MYOF: variants seen among roughly 807,000 people sequenced by gnomAD.
The protein encoded by MYOF is myoferlin.
MYOF carries 244 observed loss-of-function variants against 284.2 expected under a neutral mutation model. That is an observed-to-expected ratio of 0.86 (90% CI 0.77 to 0.95). The LOEUF is 0.95. MYOF is among the 40% of genes least tolerant of loss of function. MYOF has a pLI of 0.00. For synonymous variants in MYOF, 904 were observed against 919.7 expected, an observed-to-expected ratio of 0.98 and a Z score of 0.31; for missense variants, 2,496 against 2,560.6, an observed-to-expected ratio of 0.97 and a Z score of 0.54.
chr10:93,402,800 T>C, intron 10 of MYOF, 60 bp downstream of exon 10: 3 of 1,452,594 alleles, frequency 2.1e-6, no homozygotes, highest in Non-Finnish European at 2.9e-6. Flanking sequence ...CTTAGAATCA[T>C]CTTCAGAGTT....
At position 93,306,871 on chromosome 10, in the gene MYOF, G is replaced by T; in HGVS notation, c.*92C>A. 1 of 1,320,834 alleles carries T rather than the reference G, an allele frequency of 7.6e-7. No homozygotes were observed. The highest frequency in any genetic ancestry group is 1.1e-6 in the Non-Finnish European group (1 of 920,474). The allele number at this position is 1,320,834 out of a possible 1,614,324, so 81.8% of individuals were successfully genotyped here. A position where few individuals can be genotyped will look rare whatever the true frequency, so the allele number is the denominator to read the frequency against. ...ATGGCGTAACCTGCTACTGGGGTGT[G>T]GTCTCAGACACAAAATCACACTGGA... On this transcript the variant is annotated 3_prime_UTR_variant, in exon 54 of 54. Transcript: ENST00000359263.
rs34283358 is a variant in MYOF, at chr10:93,315,966, G to GAA, written c.5698+746_5698+747dup. Among the ~76,000 whole-genome samples, 36 of 141,654 alleles carry GAA rather than the reference G, an allele frequency of 2.5e-4. 1 individual carries two copies. Among genetic ancestry groups the GAA allele is most frequent in the African/African-American group, 7.9e-4 (30 of 37,814 alleles). The allele number at this position is 141,654 out of a possible 152,430, so 92.9% of individuals were successfully genotyped here. A position where few individuals can be genotyped will look rare whatever the true frequency, so the allele number is the denominator to read the frequency against. On this transcript the variant is annotated intron_variant, in intron 50 of 53. Transcript: ENST00000359263. ...TGAGACCTCGTCTGTACTAAAAAGTGAAAAAAAAAAAAAATTAGCCAGGTT... is the reference window on the plus strand; with the variant it reads ...TGAGACCTCGTCTGTACTAAAAAGTGAAAAAAAAAAAAAAAATTAGCCAGGTT...
intron 5 of MYOF, chr10:93,425,675 G>A (rs368805420): frequency 4.0e-5 from 8 of 200,186 alleles, no homozygotes; most frequent in Admixed American, 2.8e-4. Flanking sequence ...AGCAGAGCCC[G>A]GTGGTGGCAC....
At chr10:93,427,317 G>A (rs557810002) in intron 4 of MYOF, among the ~76,000 whole-genome samples, 154 of 151,918 alleles carry the variant, frequency 1.0e-3, no homozygotes, top group African/African-American at 3.4e-3. Flanking sequence ...TGGATCACAA[G>A]GTCAGGAGTT....
intron 3 of MYOF, among the ~76,000 whole-genome samples, chr10:93,442,302 A>ATTTC (rs2056291536): frequency 6.6e-6 from 1 of 152,302 alleles, no homozygotes; most frequent in African/African-American, 2.4e-5. Flanking sequence ...AGAATTAGCT[A>ATTTC]TTTTGTTGTT....
At chr10:93,412,232 C>T (rs1317140346) in intron 5 of MYOF, among the ~76,000 whole-genome samples, 1 of 152,190 alleles carries the variant, frequency 6.6e-6, no homozygotes. Flanking sequence ...GGGTTTAAAA[C>T]CAGGCTGTAG....
chr10:93,325,782 T>C (rs1350739870), intron 46 of MYOF, 44 bp downstream of exon 46: 1 of 1,560,096 alleles, frequency 6.4e-7, no homozygotes, highest in African/African-American at 1.4e-5. Context: ...GCCATTGCAT[T>C]TGGGGCAGGG....
At position 93,369,700 on chromosome 10, in the gene MYOF, A is replaced by C. The variant is rs1459207810; in HGVS notation, c.2534T>G (p.Val845Gly). Reference sequence around the variant, plus strand: ...TGCGAAGCTGTTAAACTTCTTCTCCACAGCACTTAAGCCTAGCCAGATGTT... The same window carrying C: ...TGCGAAGCTGTTAAACTTCTTCTCCCCAGCACTTAAGCCTAGCCAGATGTT... ...RVNIWLGLSA[V>G]EKKFNSFAEG... The change falls in exon 25 of 54, where the codon GTG becomes GGG. Residue 845 changes from valine to glycine, a missense_variant. Physicochemically the swap from Val to Gly is moderately radical, Grantham distance 109 (BLOSUM62 -3). Around this residue, in one of 3 missense-constraint regions of MYOF, gnomAD observed 2,436 missense variants for 2,480.7 expected, o/e 0.98. Coordinates refer to ENST00000359263, the MANE Select transcript of MYOF (RefSeq NM_013451.4). The C allele has an allele frequency of 4.3e-6, 7 of 1,614,252 alleles. No individual in the cohort carries two copies. Among genetic ancestry groups the C allele is most frequent in the Non-Finnish European group, 5.9e-6 (7 of 1,180,046 alleles).
intron 48 of MYOF, 131 bp from the exon 49 acceptor site, chr10:93,320,144 T>C: frequency 2.7e-6 from 3 of 1,091,770 alleles, no homozygotes; most frequent in Admixed American, 2.2e-5. Context: ...TCCAGTTATC[T>C]TCGGAGCTGG....
At chr10:93,380,635 A>G (rs925652006) in intron 20 of MYOF, among the ~76,000 whole-genome samples, 7 of 152,148 alleles carry the variant, frequency 4.6e-5, no homozygotes, top group African/African-American at 1.7e-4. Flanking sequence ...GCTTTCTATT[A>G]TGATTTATTT....
chr10:93,478,194 GGACTGTTTGGAA>G (rs1405215925), intron 1 of MYOF: 3 of 340,056 alleles, frequency 8.8e-6, no homozygotes, highest in African/African-American at 4.4e-5. Flanking sequence ...TCTGTTTGGA[GGACTGTTTGGAA>G]GAATCATCAA....
intron 43 of MYOF, 71 bp downstream of exon 43, chr10:93,333,150 A>G (rs1435734890): frequency 1.6e-6 from 2 of 1,236,550 alleles, no homozygotes; most frequent in African/African-American, 3.0e-5. Context: ...AGGGTTGGAC[A>G]CATATTAGAG....
intron 19 of MYOF, among the ~76,000 whole-genome samples, chr10:93,382,436 T>A (rs1846169165): frequency 6.6e-6 from 1 of 152,214 alleles, no homozygotes; most frequent in Non-Finnish European, 1.5e-5. Flanking sequence ...CAATAAAGAT[T>A]TTCATGTCAG....
intron 4 of MYOF, among the ~76,000 whole-genome samples, chr10:93,426,884 CTTT>C (rs1169014883): frequency 0.14 from 14,598 of 104,214 alleles, 710 homozygotes; most frequent in Middle Eastern, 0.25. Context: ...ACGAGACTGT[CTTT>C]TTTTTTTTTT....
rs540846732 is a variant in MYOF at position 93,441,895 on chromosome 10, T to A, written c.236+10155A>T. 3.3e-3 allele frequency among the ~76,000 whole-genome samples: 498 copies of A among 151,464 alleles called. 2 individuals carry two copies. Among genetic ancestry groups the A allele is most frequent in the Non-Finnish European group, 6.0e-3 (406 of 67,858 alleles). ...AGTACATTTCACAACGTAAGCTAGG[T>A]CTTTTCCTTTTTTTATTTAATTCTA... On this transcript the variant is annotated intron_variant, in intron 3 of 53. Transcript: ENST00000359263.
intron 5 of MYOF, among the ~76,000 whole-genome samples, chr10:93,424,392 A>G (rs1032729966): frequency 6.6e-6 from 1 of 152,048 alleles, no homozygotes; most frequent in African/African-American, 2.4e-5. Flanking sequence ...GGGACCACTC[A>G]GTTCTGCCCC....
chr10:93,474,940 G>C lies in MYOF; in HGVS notation c.88+7167C>G, dbSNP rs942205964. 2.0e-5 allele frequency among the ~76,000 whole-genome samples: 3 copies of C among 152,058 alleles called. No individual in the cohort carries two copies. The East Asian group carries it at 5.8e-4, about 29-fold the overall frequency. ...TTTTTTGTATTTTTAGTAGAGACAG[G>C]GATTCACCATGCTGGCCAGGCTGGT... On this transcript the variant is annotated intron_variant, in intron 1 of 53. Coordinates refer to ENST00000359263, the MANE Select transcript of MYOF (RefSeq NM_013451.4).
intron 43 of MYOF, among the ~76,000 whole-genome samples, chr10:93,331,929 A>T (rs904437295): frequency 4.6e-5 from 7 of 152,252 alleles, no homozygotes; most frequent in Admixed American, 3.3e-4. Flanking sequence ...CAAATGTCTC[A>T]GACAGAGAAC....
At chr10:93,470,522 TC>T (rs1266391383) in intron 1 of MYOF, among the ~76,000 whole-genome samples, 5 of 151,084 alleles carry the variant, frequency 3.3e-5, no homozygotes, top group African/African-American at 1.2e-4. Flanking sequence ...TGCCTCAGCC[TC>T]CCAAGTAGCT....
Sources: gnomAD v4.1 joint callset for allele counts (sites outside exome capture counted in the v4.1 genomes callset) on GRCh38, gnomAD v4.1.1 for gene constraint, gnomAD v4.1.1 regional missense constraint, MANE v1.5 for transcripts, NCBI Gene and HGNC (gene_info 2026-07-23, HGNC 2026-07-21) for gene names.